RBFOX1: variants seen among roughly 807,000 people sequenced by gnomAD.
RBFOX1 encodes RNA binding fox-1 homolog 1.
A neutral mutation model predicts 57.7 loss-of-function variants in RBFOX1; 8 were observed. The ratio of observed to expected loss-of-function variants is 0.14; its 90% CI spans 0.08 to 0.25. The LOEUF is 0.25. RBFOX1 is among the 10% of genes least tolerant of loss of function. The pLI is 1.00. For synonymous variants in RBFOX1, 326 were observed against 222.4 expected (o/e 1.47, Z -4.15); for missense variants, 611 against 548.5 (o/e 1.11, Z -1.14).
At chr16:6,006,502 C>T (rs1048609259) in intron 4 of RBFOX1, among the ~76,000 whole-genome samples, 13 of 152,298 alleles carry the variant, frequency 8.5e-5, no homozygotes, top group African/African-American at 3.1e-4. Context: ...CAACGTGGAC[C>T]ATGACACAGA....
At chr16:7,564,540 CAAAAAAAAAAAA>C (rs5815409) in intron 5 of RBFOX1, among the ~76,000 whole-genome samples, 4 of 82,518 alleles carry the variant, frequency 4.8e-5, no homozygotes, top group East Asian at 1.1e-3. Context: ...GACTCCATCT[CAAAAAAAAAAAA>C]AAAAAAAAAA....
chr16:7,522,827 C>T (rs941633112), intron 5 of RBFOX1, among the ~76,000 whole-genome samples: 1 of 152,158 alleles, frequency 6.6e-6, no homozygotes, highest in Non-Finnish European at 1.5e-5. Context: ...AAAGAAACCA[C>T]TTTTTAACAG....
chr16:7,420,733 A>T (rs2098532863), intron 4 of RBFOX1, among the ~76,000 whole-genome samples: 1 of 151,586 alleles, frequency 6.6e-6, no homozygotes, highest in Admixed American at 6.6e-5. Flanking sequence ...GTATGACTTC[A>T]ATTACATCTA....
chr16:5,590,998 A>G (rs75772048), intron 2 of RBFOX1, among the ~76,000 whole-genome samples: 4,424 of 151,816 alleles, frequency 0.029, 208 homozygotes, highest in African/African-American at 0.098. Context: ...TTCATTTAGC[A>G]TGTGATGTGA....
At chr16:5,807,955 G>T (rs2055287191) in intron 3 of RBFOX1, among the ~76,000 whole-genome samples, 1 of 152,114 alleles carries the variant, frequency 6.6e-6, no homozygotes, top group Non-Finnish European at 1.5e-5. Flanking sequence ...GGGTTATTCA[G>T]TCCATTTCTT....
rs777057921 is a variant in RBFOX1, at chr16:6,110,457, A to G, written c.-127+90465A>G. 4.6e-5 allele frequency among the ~76,000 whole-genome samples: 7 copies of G among 152,268 alleles called. No individual in the cohort carries two copies. In the East Asian group the frequency reaches 1.2e-3, roughly 25 times the overall value. ...GAATTCTGTATCCTGCACAAACACA[A>G]TTGATACCTAAGTAGTGTGCATTTT... On this transcript the variant is annotated intron_variant, in intron 1 of 15. Coordinates refer to ENST00000550418, the MANE Select transcript of RBFOX1 (RefSeq NM_018723.4).
chr16:5,855,016 A>C (rs868757775), intron 3 of RBFOX1, among the ~76,000 whole-genome samples: 7 of 152,176 alleles, frequency 4.6e-5, no homozygotes, highest in African/African-American at 1.4e-4. Context: ...GCCCATTTGT[A>C]CATCTTCTTT....
At chr16:7,510,545 C>T (rs891869152) in intron 4 of RBFOX1, among the ~76,000 whole-genome samples, 2 of 151,678 alleles carry the variant, frequency 1.3e-5, no homozygotes, top group African/African-American at 4.8e-5. Flanking sequence ...GCGCTTTCTG[C>T]TTGATGTGTG....
At chr16:6,271,235 C>T (rs375543881) in intron 1 of RBFOX1, among the ~76,000 whole-genome samples, 4 of 152,064 alleles carry the variant, frequency 2.6e-5, no homozygotes, top group African/African-American at 9.7e-5. Flanking sequence ...ACCAGTCTGG[C>T]CAACATGGTG....
intron 2 of RBFOX1, among the ~76,000 whole-genome samples, chr16:5,545,544 TTTAA>T (rs1428415374): frequency 6.6e-6 from 1 of 152,104 alleles, no homozygotes; most frequent in Non-Finnish European, 1.5e-5. Flanking sequence ...GCTAGGTTGG[TTTAA>T]AATTCAAATA....
intron 2 of RBFOX1, among the ~76,000 whole-genome samples, chr16:6,421,674 A>G (rs1285403335): frequency 2.0e-5 from 3 of 152,188 alleles, no homozygotes; most frequent in Non-Finnish European, 2.9e-5. Flanking sequence ...TGGGTGCTTT[A>G]GATCACACAC....
chr16:6,736,719 C>T (rs1042350066), intron 3 of RBFOX1, among the ~76,000 whole-genome samples: 2 of 152,152 alleles, frequency 1.3e-5, no homozygotes, highest in Non-Finnish European at 2.9e-5. Flanking sequence ...CTTTTAGTTC[C>T]TTAATGAATC....
At chr16:6,008,732 G>A (rs1056598823) in intron 4 of RBFOX1, among the ~76,000 whole-genome samples, 3 of 152,336 alleles carry the variant, frequency 2.0e-5, no homozygotes, top group African/African-American at 7.2e-5. Context: ...TTGGCACAAA[G>A]AAGTGTGTTC....
chr16:6,438,607 G>C (rs931346393), intron 2 of RBFOX1, among the ~76,000 whole-genome samples: 4 of 152,144 alleles, frequency 2.6e-5, no homozygotes, highest in African/African-American at 7.2e-5. Flanking sequence ...ATTACTTACA[G>C]TTCTTCCTCT....
intron 1 of RBFOX1, among the ~76,000 whole-genome samples, chr16:5,397,448 A>T (rs557084388): frequency 6.6e-6 from 1 of 152,226 alleles, no homozygotes; most frequent in Non-Finnish European, 1.5e-5. Context: ...CCATGCCTGC[A>T]TGTGAGGTCT....
intron 4 of RBFOX1, among the ~76,000 whole-genome samples, chr16:7,180,802 A>G (rs1004792862): frequency 3.3e-5 from 5 of 151,628 alleles, no homozygotes; most frequent in Non-Finnish European, 5.9e-5. Context: ...TATTTTAAGC[A>G]TCAAGGTTAA....
At chr16:7,364,801 C>A (rs112879930) in intron 4 of RBFOX1, among the ~76,000 whole-genome samples, 2,522 of 152,244 alleles carry the variant, frequency 0.017, 28 homozygotes, top group Middle Eastern at 0.031. Flanking sequence ...CAGAAGAAAT[C>A]TTTAGAGCTC....
chr16:6,040,378 T>A (rs114835561), intron 1 of RBFOX1, among the ~76,000 whole-genome samples: 1,796 of 152,266 alleles, frequency 0.012, 29 homozygotes, highest in African/African-American at 0.039. Flanking sequence ...CCTTCCCTAG[T>A]CCCTGGCAAC....
At chr16:7,580,859 A>G (rs569946729) in intron 6 of RBFOX1, among the ~76,000 whole-genome samples, 160 of 152,334 alleles carry the variant, frequency 1.1e-3, no homozygotes, top group African/African-American at 3.6e-3. Flanking sequence ...GGATTCAATG[A>G]AAAGAACTAC....
Sources: allele counts gnomAD v4.1 joint callset (sites outside exome capture counted in the v4.1 genomes callset), GRCh38; gene constraint gnomAD v4.1.1; transcripts MANE v1.5; gene names NCBI Gene and HGNC (gene_info 2026-07-23, HGNC 2026-07-21).